Variants in ELAC2 observed in about 807,000 individuals in gnomAD.
ELAC2 encodes the protein zinc phosphodiesterase ELAC protein 2.
In ELAC2, 92 loss-of-function variants were observed where a neutral mutation model predicts 105.2. The observed-to-expected ratio is 0.87, with a 90% CI of 0.74 to 1.04. The LOEUF (loss-of-function observed/expected upper bound fraction) is 1.04, where lower values mean the gene tolerates loss of function less well. ELAC2 is among the 50% of genes least tolerant of loss of function. ELAC2 has a pLI of 0.00. For synonymous variants in ELAC2, 468 were observed against 409.1 expected, an observed-to-expected ratio of 1.14 and a Z score of -1.74; for missense variants, 1,099 against 1,071.7, an observed-to-expected ratio of 1.03 and a Z score of -0.36.
rs368374140 is a variant in ELAC2 at position 13,002,332 on chromosome 17, T to C, written c.1246A>G (p.Met416Val). Residue 416 changes from methionine (M) to valine (V), a missense_variant, in exon 14 of 24, where the codon ATG (methionine) becomes GTG (valine). Coordinates refer to ENST00000338034, the MANE Select transcript of ELAC2 (RefSeq NM_018127.7). ...TTGAGGAGGCATTCACCCTGAACCA[T>C]GGGCACACTGAGGGTGGGGCCCTCC... Reference protein sequence around the residue: ...KKEGPTLSVPMVQGECLLKYQ... With the variant: ...KKEGPTLSVPVVQGECLLKYQ... 8.7e-6 allele frequency: 14 copies of C among 1,614,084 alleles called. No individual in the cohort carries two copies. The highest frequency in any genetic ancestry group is 3.3e-5 in the South Asian group (3 of 91,086).
rs551832115 is a variant in ELAC2 at position 13,017,903 on chromosome 17, G to A, written c.45C>T (p.Thr15=). 3.2e-5 allele frequency: 50 copies of A among 1,542,414 alleles called. No individual in the cohort carries two copies. The highest frequency in any genetic ancestry group is 4.2e-5 in the Non-Finnish European group (48 of 1,147,066). Residue 15 remains threonine, a synonymous_variant, in exon 1 of 24, where the codon ACC becomes ACT. Coordinates refer to ENST00000338034, the MANE Select transcript of ELAC2 (RefSeq NM_018127.7). ...GCGATATGGTGCGTCCCTGCGACAT[G>A]GTGCGTCCGGCCGCGGACCGCAGCA... The part of the protein sequence containing the change: ...CSLLRSAAGR[T]MSQGRTISQA...
chr17:13,017,434 T>C (rs1334467988), intron 1 of ELAC2: 2 of 665,384 alleles, frequency 3.0e-6, no homozygotes, highest in Non-Finnish European at 5.0e-6. Context: ...CGGAAGAGGG[T>C]GGAGCTCCGA....
intron 5 of ELAC2, 51 bp downstream of exon 5, chr17:13,014,388 G>A: frequency 7.3e-7 from 1 of 1,372,334 alleles, no homozygotes; most frequent in Non-Finnish European, 1.0e-6. Context: ...GAGAGGTCAG[G>A]GCATATATAA....
rs199500031 is a variant in ELAC2, at chr17:13,010,597, G to A, written c.738+16C>T. The A allele has an allele frequency of 1.5e-5, 25 of 1,613,494 alleles. No individual in the cohort carries two copies. The highest frequency in any genetic ancestry group is 7.7e-5 in the South Asian group (7 of 91,076). On this transcript the variant is annotated intron_variant, in intron 8 of 23. Coordinates refer to ENST00000338034, the MANE Select transcript of ELAC2 (RefSeq NM_018127.7). ...AGACCCCAGTCATGTACAGCCCTCCGGAAAGTCTTCCTTACCTTACAGATG... is the reference window on the plus strand; with the variant it reads ...AGACCCCAGTCATGTACAGCCCTCCAGAAAGTCTTCCTTACCTTACAGATG...
Position 13,002,499 on chromosome 17 carries a change from G to T in ELAC2, c.1160C>A (p.Thr387Asn). Reference protein sequence around the residue: ...VHNLRSHKIQTQLNLIHPDIF... With the variant: ...VHNLRSHKIQNQLNLIHPDIF... ...GTCCGGGTGGATGAGGTTGAGCTGG[G>T]TTTGAATCTTGTGGCTGCGAAGGTT... Residue 387 changes from threonine (T) to asparagine (N), a missense_variant, in exon 13 of 24, where the codon ACC (threonine) becomes AAC (asparagine). Physicochemically the swap from Thr to Asn is moderately conservative, Grantham distance 65. Transcript: ENST00000338034. 1 of 1,607,414 alleles carries T rather than the reference G, an allele frequency of 6.2e-7. No individual in the cohort carries two copies. The highest frequency in any genetic ancestry group is 8.5e-7 in the Non-Finnish European group (1 of 1,176,478).
chr17:13,011,497 A>G (rs2041407595), intron 7 of ELAC2, among the ~76,000 whole-genome samples, 166 bp downstream of exon 7: 1 of 152,156 alleles, frequency 6.6e-6, no homozygotes, highest in South Asian at 2.1e-4. Flanking sequence ...CACCTTTACA[A>G]CAACCCTTCT....
At position 12,992,402 on chromosome 17, in the gene ELAC2, A is replaced by ATCTT. The variant is rs560000602; in HGVS notation, c.*412_*415dup. 208 of 361,488 alleles carry ATCTT rather than the reference A, an allele frequency of 5.8e-4. 1 individual carries two copies. The East Asian group carries it at 8.3e-3, about 14-fold the overall frequency. 22.4% of individuals were successfully genotyped at this position (361,488 alleles called of 1,614,324 possible). On this transcript the variant is annotated 3_prime_UTR_variant, in exon 24 of 24. Coordinates refer to ENST00000338034, the MANE Select transcript of ELAC2 (RefSeq NM_018127.7). ...AAAAGAACTCACAATTGCAAACTCA[A>ATCTT]TCTTTATTGCAGCTGAAATACTATT...
rs550061721 is a variant in ELAC2 at position 12,999,508 on chromosome 17, G to A, written c.1423+648C>T. On this transcript the variant is annotated intron_variant, in intron 15 of 23. Transcript: ENST00000338034. Reference sequence around the variant, plus strand: ...CAAGATCCTCCATGGATTTGCATCCGCAAAGCCAGGACTAGATCTCTGCCA... The same window carrying A: ...CAAGATCCTCCATGGATTTGCATCCACAAAGCCAGGACTAGATCTCTGCCA... 1.3e-3 allele frequency among the ~76,000 whole-genome samples: 194 copies of A among 152,362 alleles called. 2 individuals are homozygous for A. The highest frequency in any genetic ancestry group is 0.011 in the Admixed American group (161 of 15,310).
At chr17:12,996,761 G>C in intron 16 of ELAC2, 76 bp from the exon 17 acceptor site, 3 of 1,574,530 alleles carry the variant, frequency 1.9e-6, no homozygotes, top group Non-Finnish European at 2.6e-6. Flanking sequence ...GTCTGCTTTG[G>C]ACAGGACCAA....
Position 12,992,746 on chromosome 17 carries a change from A to G in ELAC2, c.*72T>C. 6.4e-7 allele frequency: 1 copy of G among 1,566,922 alleles called. No individual in the cohort carries two copies. Among genetic ancestry groups the G allele is most frequent in the South Asian group, 1.1e-5 (1 of 89,544 alleles). On this transcript the variant is annotated 3_prime_UTR_variant, in exon 24 of 24. Transcript: ENST00000338034. ...CCGTGCTCTTCAGCTTCTACCAGCAAGGAGGGCAGATACGGGTGCGTGCGT... is the reference window on the plus strand; with the variant it reads ...CCGTGCTCTTCAGCTTCTACCAGCAGGGAGGGCAGATACGGGTGCGTGCGT...
chr17:13,010,029 A>T (rs554614827), intron 8 of ELAC2, among the ~76,000 whole-genome samples: 1 of 150,142 alleles, frequency 6.7e-6, no homozygotes, highest in East Asian at 1.9e-4. Context: ...CTGACAGGGC[A>T]CTGGAAAAAA....
Position 12,992,079 on chromosome 17 carries a change from C to CATT in ELAC2, c.*736_*738dup, listed in dbSNP as rs1317668580. Among the ~76,000 whole-genome samples the CATT allele has an allele frequency of 6.6e-6, 1 of 152,186 alleles. No individual in the cohort carries two copies. Among genetic ancestry groups the CATT allele is most frequent in the African/African-American group, 2.4e-5 (1 of 41,450 alleles). On this transcript the variant is annotated 3_prime_UTR_variant, in exon 24 of 24. Transcript: ENST00000338034. ...TTACCCAGAACCACCAGAAGACTTG[C>CATT]ATTTCCCTGACCAATGACACCAGCC...
chr17:12,992,098 A>G lies in ELAC2; in HGVS notation c.*720T>C, dbSNP rs2040200931. Among the ~76,000 whole-genome samples, 1 of 151,888 alleles carries G rather than the reference A, an allele frequency of 6.6e-6. No individual in the cohort carries two copies. Among genetic ancestry groups the G allele is most frequent in the African/African-American group, 2.4e-5 (1 of 41,354 alleles). On this transcript the variant is annotated 3_prime_UTR_variant, in exon 24 of 24. Transcript: ENST00000338034. ...GACTTGCATTTCCCTGACCAATGAC[A>G]CCAGCCCAGCCAGGCTCTCACTGAT... is the stretch of plus-strand genomic sequence containing the variant.
chr17:13,000,355 A>T, intron 14 of ELAC2, 81 bp from the exon 15 acceptor site: 3 of 1,265,894 alleles, frequency 2.4e-6, no homozygotes, highest in Non-Finnish European at 2.3e-6. Flanking sequence ...GTCCAGAATA[A>T]ATTCAGGGGG....
Position 12,994,823 on chromosome 17 carries a change from G to T in ELAC2, c.1970C>A (p.Ser657Tyr). The change falls in exon 21 of 24, where the codon TCT becomes TAT. Residue 657 changes from serine to tyrosine, a missense_variant. Physicochemically the swap from Ser to Tyr is moderately radical, Grantham distance 144 (BLOSUM62 -2). Transcript: ENST00000338034. ...HAFGCALVHTSGWKVVYSGDT... is the reference protein window; with the variant it reads ...HAFGCALVHTYGWKVVYSGDT... ...CCCGGAATAGACCACTTTCCAGCCA[G>T]AGGTGTGCACCAGCGCACAGCCAAA... The T allele has an allele frequency of 1.2e-6, 2 of 1,614,054 alleles. No homozygotes were observed. Among genetic ancestry groups the T allele is most frequent in the Non-Finnish European group, 1.7e-6 (2 of 1,180,042 alleles).
chr17:12,992,476 G>GTCTC lies in ELAC2; in HGVS notation c.*338_*341dup, dbSNP rs1180666218. ...ACCCACTGATCCTGTTACTCTGCTT[G>GTCTC]TCTCTGGTGTGCAGGGAATCACTTT... On this transcript the variant is annotated 3_prime_UTR_variant, in exon 24 of 24. Transcript: ENST00000338034. 6 of 444,970 alleles carry GTCTC rather than the reference G, an allele frequency of 1.3e-5. No individual in the cohort carries two copies. Among genetic ancestry groups the GTCTC allele is most frequent in the Non-Finnish European group, 1.7e-5 (4 of 240,988 alleles). 27.6% of individuals were successfully genotyped at this position (444,970 alleles called of 1,614,324 possible).
At position 12,992,498 on chromosome 17, in the gene ELAC2, C is replaced by G; in HGVS notation, c.*320G>C. On this transcript the variant is annotated 3_prime_UTR_variant, in exon 24 of 24. Transcript: ENST00000338034. Reference sequence around the variant, plus strand: ...CTTGTCTCTGGTGTGCAGGGAATCACTTTGCTGGATTAGAGGAAAGGTGCC... The same window carrying G: ...CTTGTCTCTGGTGTGCAGGGAATCAGTTTGCTGGATTAGAGGAAAGGTGCC... The G allele has an allele frequency of 4.3e-6, 2 of 460,320 alleles. No homozygotes were observed. The highest frequency in any genetic ancestry group is 4.0e-6 in the Non-Finnish European group (1 of 250,288). 28.5% of individuals were successfully genotyped at this position (460,320 alleles called of 1,614,324 possible).
chr17:13,006,598 A>G (rs1201505466), intron 8 of ELAC2: 1 of 158,784 alleles, frequency 6.3e-6, no homozygotes, highest in South Asian at 1.8e-4. Flanking sequence ...TTCAAGTATC[A>G]TTGAGGAGAA....
intron 6 of ELAC2, among the ~76,000 whole-genome samples, chr17:13,012,297 T>C (rs990289554): frequency 1.2e-4 from 19 of 152,276 alleles, no homozygotes; most frequent in South Asian, 6.2e-4. Context: ...AAATCACATA[T>C]GAAAGTTAAC....
Sources: allele counts gnomAD v4.1 joint callset (sites outside exome capture counted in the v4.1 genomes callset), GRCh38; gene constraint gnomAD v4.1.1; transcripts MANE v1.5; gene names NCBI Gene and HGNC (gene_info 2026-07-23, HGNC 2026-07-21).